The following RTN4 variants were observed in gnomAD, a reference collection of about 807,000 sequenced individuals.
RTN4 encodes the protein reticulon 4.
In RTN4, 32 loss-of-function variants were observed where a neutral mutation model predicts 90.4. The observed-to-expected ratio is 0.35, with a 90% confidence interval of 0.27 to 0.48. The LOEUF (loss-of-function observed/expected upper bound fraction) is 0.48. RTN4 is among the 20% of genes least tolerant of loss of function. The pLI is 0.99. For missense variants in RTN4, 1,706 were observed against 1,430.2 expected (o/e 1.19, Z -3.11); for synonymous variants, 629 against 552.5 (o/e 1.14, Z -1.94).
At chr2:55,040,945 T>C (rs1013539166) in intron 1 of RTN4, among the ~76,000 whole-genome samples, 2 of 151,818 alleles carry the variant, frequency 1.3e-5, no homozygotes, top group East Asian at 3.9e-4. Flanking sequence ...AACAAGCTAT[T>C]AAAGAAATAA....
chr2:55,016,468 A>G (rs1243640081), intron 3 of RTN4, among the ~76,000 whole-genome samples: 1 of 152,062 alleles, frequency 6.6e-6, no homozygotes, highest in African/African-American at 2.4e-5. Flanking sequence ...CTGTAATCCC[A>G]GCTACTCGGG....
rs200435777 is a variant in RTN4, at chr2:54,973,606, A to G, written c.3493T>C (p.Tyr1165His). The change falls in exon 8 of 9, where the codon TAT becomes CAT. Residue 1165 changes from tyrosine to histidine, a missense_variant. Physicochemically the swap from Tyr to His is moderately conservative, Grantham distance 83 (BLOSUM62 2). Coordinates refer to ENST00000337526, the MANE Select transcript of RTN4 (RefSeq NM_020532.5). Reference protein sequence around the residue: ...YERHQAQIDHYLGLANKNVKD... With the variant: ...YERHQAQIDHHLGLANKNVKD... ...ACATTCTTATTTGCAAGTCCTAGAT[A>G]ATGATCTATCTGTGCCTGAAAGAGA... The G allele has an allele frequency of 1.7e-5, 28 of 1,610,522 alleles. No homozygotes were observed. Among genetic ancestry groups the G allele is most frequent in the Non-Finnish European group, 2.4e-5 (28 of 1,176,936 alleles).
Position 54,987,112 on chromosome 2 carries a change from T to C in RTN4, c.3221+379A>G, listed in dbSNP as rs561998427. 5.3e-5 allele frequency among the ~76,000 whole-genome samples: 8 copies of C among 151,938 alleles called. No individual in the cohort carries two copies. In the South Asian group the frequency reaches 1.7e-3, roughly 32 times the overall value. ...AGCATAACAGAAAACATCAGCATACTAGAAAGATACGAAATATCAGAAAGC... is the reference window on the plus strand; with the variant it reads ...AGCATAACAGAAAACATCAGCATACCAGAAAGATACGAAATATCAGAAAGC... On this transcript the variant is annotated intron_variant, in intron 4 of 8. Transcript: ENST00000337526.
intron 3 of RTN4, among the ~76,000 whole-genome samples, chr2:55,020,998 A>G (rs906364509): frequency 6.6e-6 from 1 of 152,204 alleles, no homozygotes; most frequent in Admixed American, 6.5e-5. Context: ...CCTGTCTCGA[A>G]AAAAGAAAAG....
chr2:55,036,771 C>T (rs1318528691), intron 1 of RTN4, among the ~76,000 whole-genome samples: 1 of 152,014 alleles, frequency 6.6e-6, no homozygotes, highest in Non-Finnish European at 1.5e-5. Flanking sequence ...TAAAAACTAT[C>T]AGCAAACTAG....
At chr2:55,032,069 T>G (rs532968631) in intron 1 of RTN4, among the ~76,000 whole-genome samples, 3 of 151,186 alleles carry the variant, frequency 2.0e-5, no homozygotes, top group East Asian at 3.9e-4. Context: ...ACAAATAACG[T>G]AGACGTTGGA....
upstream of RTN4, among the ~76,000 whole-genome samples, chr2:55,051,957 G>A (rs991671079): frequency 3.3e-5 from 5 of 152,118 alleles, no homozygotes; most frequent in Non-Finnish European, 5.9e-5. Context: ...TAATAATTAA[G>A]AAAGTTTGAT....
chr2:54,974,064 G>A (rs931165675), intron 6 of RTN4, 197 bp from the exon 7 acceptor site: 1 of 518,438 alleles, frequency 1.9e-6, no homozygotes, highest in Non-Finnish European at 3.4e-6. Flanking sequence ...TGAGGCTGCA[G>A]TTATTAGAGC....
At chr2:55,066,193 T>TG (rs1668389176) in intron 2 of RTN4, among the ~76,000 whole-genome samples, 7 of 110,944 alleles carry the variant, frequency 6.3e-5, no homozygotes, top group African/African-American at 1.1e-4. Context: ...GTGTGTGTGT[T>TG]TGTGTGTGTG....
At chr2:55,045,255 A>C (rs1012029336) in intron 1 of RTN4, among the ~76,000 whole-genome samples, 5 of 152,210 alleles carry the variant, frequency 3.3e-5, no homozygotes, top group Non-Finnish European at 5.9e-5. Context: ...AATAAGCACT[A>C]ATATTCTTTT....
chr2:54,993,986 T>G (rs774680671), intron 3 of RTN4, among the ~76,000 whole-genome samples: 1 of 152,242 alleles, frequency 6.6e-6, no homozygotes, highest in Non-Finnish European at 1.5e-5. Context: ...TACCAAACAG[T>G]GTGGCTGACT....
chr2:55,066,730 A>AAAGC (rs1427157551), intron 2 of RTN4, among the ~76,000 whole-genome samples: 1 of 150,582 alleles, frequency 6.6e-6, no homozygotes, highest in Non-Finnish European at 1.5e-5. Context: ...ATAAATAAAT[A>AAAGC]AAGCCTACTT....
In RTN4 at chr2:54,972,248, A is replaced by G. The variant is rs199734477; in HGVS notation, c.*908T>C. ...TTACAGTTCACAATGCATTCCACAGATTTAGTTCAGTACAGCTTAAACCAC... is the reference window on the plus strand; with the variant it reads ...TTACAGTTCACAATGCATTCCACAGGTTTAGTTCAGTACAGCTTAAACCAC... On this transcript the variant is annotated 3_prime_UTR_variant, in exon 9 of 9. Coordinates refer to ENST00000337526, the MANE Select transcript of RTN4 (RefSeq NM_020532.5). 1 of 152,704 alleles carries G rather than the reference A, an allele frequency of 6.5e-6. No homozygotes were observed. The highest frequency in any genetic ancestry group is 1.5e-5 in the Non-Finnish European group (1 of 68,050). The allele number at this position is 152,704 out of a possible 1,614,324, so 9.5% of individuals were successfully genotyped here. A position where few individuals can be genotyped will look rare whatever the true frequency, so the allele number is the denominator to read the frequency against.
intron 3 of RTN4, among the ~76,000 whole-genome samples, chr2:55,024,814 C>T (rs1681696955): frequency 6.6e-6 from 1 of 152,034 alleles, no homozygotes; most frequent in African/African-American, 2.4e-5. Flanking sequence ...GAAATAGGTA[C>T]TAAAGCCAAT....
At chr2:55,088,324 A>T (rs1304143742) in intron 1 of RTN4, among the ~76,000 whole-genome samples, 1 of 152,256 alleles carries the variant, frequency 6.6e-6, no homozygotes, top group Non-Finnish European at 1.5e-5. Context: ...ATCTTAGAGC[A>T]TCTGGAGATA....
At chr2:55,094,267 A>G (rs967312645) in intron 1 of RTN4, among the ~76,000 whole-genome samples, 3 of 152,202 alleles carry the variant, frequency 2.0e-5, no homozygotes, top group African/African-American at 7.2e-5. Flanking sequence ...CCAGGAAGAA[A>G]GCCCTCACCA....
chr2:55,019,555 C>G (rs1681280560), intron 3 of RTN4, among the ~76,000 whole-genome samples: 1 of 152,108 alleles, frequency 6.6e-6, no homozygotes, highest in Non-Finnish European at 1.5e-5. Context: ...ATCATCTATA[C>G]AGTATCATAA....
chr2:55,026,092 T>C lies in RTN4; in HGVS notation c.2007A>G (p.Lys669=). 1 of 1,610,988 alleles carries C rather than the reference T, an allele frequency of 6.2e-7. No homozygotes were observed. Among genetic ancestry groups the C allele is most frequent in the Non-Finnish European group, 8.5e-7 (1 of 1,179,196 alleles). The change falls in exon 3 of 9, where the codon AAA becomes AAG. Residue 669 remains lysine, a synonymous_variant. Transcript: ENST00000337526. ...YEEAMSVSLK[K]VSGIKEEIKE... is the part of the protein sequence containing the mutation. The stretch of plus-strand genomic sequence containing the variant: ...TAATTTCTTCCTTTATTCCTGATAC[T>C]TTTTTTAGTGATACACTCATGGCCT...
At chr2:54,997,177 A>G (rs971745072) in intron 3 of RTN4, among the ~76,000 whole-genome samples, 2 of 152,234 alleles carry the variant, frequency 1.3e-5, no homozygotes, top group African/African-American at 4.8e-5. Context: ...AGTAAAAAAC[A>G]ATTTAAAATA....
Sources: gnomAD v4.1 joint callset for allele counts (sites outside exome capture counted in the v4.1 genomes callset) on GRCh38, gnomAD v4.1.1 for gene constraint, MANE v1.5 for transcripts, NCBI Gene and HGNC (gene_info 2026-07-23, HGNC 2026-07-21) for gene names.